QTGAL: variants seen among roughly 807,000 people sequenced by gnomAD.
QTGAL encodes the protein queuosine-tRNA galactosyltransferase.
At chr17:83,002,845 CCCA>C in the QTGAL span, among the ~76,000 whole-genome samples, 1 of 95,532 alleles carries the variant, frequency 1.0e-5, no homozygotes, top group Admixed American at 1.1e-4. Flanking sequence ...AGCCCGCCCT[CCCA>C]CTCTCTGCAG....
chr17:83,029,947 C>T, the QTGAL span, among the ~76,000 whole-genome samples: 2 of 152,218 alleles, frequency 1.3e-5, no homozygotes, highest in Non-Finnish European at 1.5e-5. Flanking sequence ...ATCTGCCTTT[C>T]TTGACCTACA....
chr17:83,050,178 C>T, the QTGAL span, among the ~76,000 whole-genome samples: 7 of 152,102 alleles, frequency 4.6e-5, no homozygotes, highest in African/African-American at 1.7e-4. Flanking sequence ...CAAGACCAGC[C>T]TGACCAACAT....
At chr17:83,031,225 G>A in the QTGAL span, among the ~76,000 whole-genome samples, 2 of 152,242 alleles carry the variant, frequency 1.3e-5, no homozygotes, top group Non-Finnish European at 2.9e-5. Flanking sequence ...GGCAGGGAAG[G>A]GTGTAAACTC....
At chr17:83,034,231 C>T in the QTGAL span, among the ~76,000 whole-genome samples, 105 of 152,356 alleles carry the variant, frequency 6.9e-4, 2 homozygotes, top group South Asian at 0.011. Flanking sequence ...TGAGCCACCG[C>T]GCCCAGCCTT....
chr17:83,017,744 T>C, the QTGAL span, among the ~76,000 whole-genome samples: 1 of 152,218 alleles, frequency 6.6e-6, no homozygotes, highest in African/African-American at 2.4e-5. Flanking sequence ...CTGCATCGAG[T>C]ACCACATGTG....
the QTGAL span, among the ~76,000 whole-genome samples, chr17:83,027,856 G>GTAA: frequency 5.9e-5 from 9 of 152,302 alleles, no homozygotes; most frequent in Admixed American, 5.9e-4. Flanking sequence ...GCTCACGCCT[G>GTAA]TAATCCTAGC....
chr17:83,009,638 G>A, the QTGAL span, among the ~76,000 whole-genome samples: 4 of 152,150 alleles, frequency 2.6e-5, no homozygotes, highest in Non-Finnish European at 5.9e-5. Flanking sequence ...GCAAAGGGGC[G>A]AGACCTTCGA....
At chr17:82,952,245 G>A in the QTGAL span, among the ~76,000 whole-genome samples, 58 of 152,224 alleles carry the variant, frequency 3.8e-4, no homozygotes, top group African/African-American at 1.3e-3. Flanking sequence ...GGCAGGAACC[G>A]TGACCCGCCC....
At chr17:83,010,258 C>T in the QTGAL span, among the ~76,000 whole-genome samples, 4 of 152,106 alleles carry the variant, frequency 2.6e-5, no homozygotes, top group East Asian at 1.9e-4. Flanking sequence ...GGGCTTCGGC[C>T]GCCACTCCTG....
At chr17:82,957,362 G>C in the QTGAL span, 1 of 1,613,310 alleles carries the variant, frequency 6.2e-7, no homozygotes, top group Non-Finnish European at 8.5e-7. Context: ...TGCTCACCTT[G>C]CGCTGGCTGC....
At chr17:83,028,360 T>C in the QTGAL span, among the ~76,000 whole-genome samples, 1 of 149,220 alleles carries the variant, frequency 6.7e-6, no homozygotes, top group African/African-American at 2.5e-5. Context: ...CCGTCTCTAC[T>C]AAAAATACAA....
At chr17:83,000,627 C>T in the QTGAL span, among the ~76,000 whole-genome samples, 2 of 152,166 alleles carry the variant, frequency 1.3e-5, no homozygotes, top group African/African-American at 4.8e-5. Context: ...ATTTTATGTA[C>T]TCATGACACA....
the QTGAL span, among the ~76,000 whole-genome samples, chr17:82,999,774 A>G: frequency 0.012 from 1,861 of 152,272 alleles, 43 homozygotes; most frequent in African/African-American, 0.042. Flanking sequence ...TACAGTACAT[A>G]GCAAGGAATT....
At chr17:82,995,590 A>T in the QTGAL span, among the ~76,000 whole-genome samples, 2 of 151,910 alleles carry the variant, frequency 1.3e-5, no homozygotes, top group South Asian at 4.2e-4. Context: ...CGCTATGTTA[A>T]CCAGGATGGG....
the QTGAL span, among the ~76,000 whole-genome samples, chr17:83,001,917 G>T: frequency 6.6e-6 from 1 of 152,010 alleles, no homozygotes; most frequent in Non-Finnish European, 1.5e-5. Context: ...CTAAAGGTGT[G>T]AACCACCACA....
chr17:83,028,432 G>A, the QTGAL span, among the ~76,000 whole-genome samples: 7 of 149,968 alleles, frequency 4.7e-5, no homozygotes, highest in Non-Finnish European at 1.0e-4. Context: ...GCTGAGGCAG[G>A]AGAATGGCGT....
At chr17:82,993,904 G>A in the QTGAL span, among the ~76,000 whole-genome samples, 2 of 152,070 alleles carry the variant, frequency 1.3e-5, no homozygotes, top group Non-Finnish European at 2.9e-5. Flanking sequence ...GCTCCTGAAT[G>A]ACAAGTGGGT....
At chr17:83,038,776 G>A in the QTGAL span, among the ~76,000 whole-genome samples, 289 of 152,064 alleles carry the variant, frequency 1.9e-3, no homozygotes, top group African/African-American at 6.5e-3. Context: ...GGAGAATGGC[G>A]AGAACCTGGG....
the QTGAL span, among the ~76,000 whole-genome samples, chr17:83,020,552 A>G: frequency 6.6e-6 from 1 of 152,244 alleles, no homozygotes; most frequent in Non-Finnish European, 1.5e-5. Context: ...GGAGAAGCCC[A>G]GAGAGGTGAG....
Sources: allele counts gnomAD v4.1 joint callset (sites outside exome capture counted in the v4.1 genomes callset), GRCh38; gene constraint gnomAD v4.1.1; transcripts MANE v1.5; gene names NCBI Gene and HGNC (gene_info 2026-07-23, HGNC 2026-07-21).